DIP2C: variants seen among roughly 807,000 people sequenced by gnomAD.
DIP2C encodes DIP2 acetate--CoA ligase C (putative).
A neutral mutation model predicts 192.4 loss-of-function variants in DIP2C; 33 were observed. That is an observed-to-expected ratio of 0.17 (90% CI 0.13 to 0.23). The LOEUF is 0.23. DIP2C is among the 10% of genes least tolerant of loss of function. The probability of loss-of-function intolerance (pLI) is 1.00; values close to 1 mark genes in which losing one functional copy is unlikely to be tolerated. For synonymous variants in DIP2C, 979 were observed against 864.1 expected (o/e 1.13, Z -2.33); for missense variants, 1,537 against 2,110.1 (o/e 0.73, Z 5.32).
At chr10:387,615 T>C (rs1477413257) in intron 14 of DIP2C, 130 bp downstream of exon 14, 5 of 683,120 alleles carry the variant, frequency 7.3e-6, no homozygotes, top group Non-Finnish European at 1.3e-5. Context: ...GACTCCTGTG[T>C]GGACAGACAG....
chr10:523,223 G>GA (rs1025842677), intron 1 of DIP2C, among the ~76,000 whole-genome samples: 1 of 146,758 alleles, frequency 6.8e-6, no homozygotes, highest in African/African-American at 2.6e-5. Flanking sequence ...AAGGACCCTG[G>GA]AGTAAGGATG....
intron 4 of DIP2C, among the ~76,000 whole-genome samples, chr10:430,766 T>G (rs1771606632): frequency 6.6e-6 from 1 of 152,252 alleles, no homozygotes; most frequent in South Asian, 2.1e-4. Context: ...CACTAGATTT[T>G]TACCTTATCT....
At chr10:524,409 T>C (rs192627097) in intron 1 of DIP2C, among the ~76,000 whole-genome samples, 2 of 152,354 alleles carry the variant, frequency 1.3e-5, no homozygotes, top group East Asian at 3.9e-4. Flanking sequence ...CTCAGACCTA[T>C]ATGTGACTGG....
At chr10:533,447 G>C (rs999054425) in intron 1 of DIP2C, among the ~76,000 whole-genome samples, 1 of 152,046 alleles carries the variant, frequency 6.6e-6, no homozygotes, top group Admixed American at 6.6e-5. Flanking sequence ...TTCTCTCAAG[G>C]ACAAAGGTGC....
At chr10:567,250 G>A (rs766322911) in intron 1 of DIP2C, among the ~76,000 whole-genome samples, 4 of 152,102 alleles carry the variant, frequency 2.6e-5, no homozygotes, top group Admixed American at 6.5e-5. Context: ...GTGCAGTGGT[G>A]CAATCTCAGC....
At chr10:552,081 A>G (rs1157851414) in intron 1 of DIP2C, among the ~76,000 whole-genome samples, 5 of 152,260 alleles carry the variant, frequency 3.3e-5, no homozygotes, top group Non-Finnish European at 5.9e-5. Context: ...AGCCAGACTC[A>G]GTCTGCAATC....
chr10:306,678 T>C (rs1176293892), intron 32 of DIP2C, among the ~76,000 whole-genome samples: 1 of 152,254 alleles, frequency 6.6e-6, no homozygotes, highest in Admixed American at 6.5e-5. Flanking sequence ...TCCCGACTGC[T>C]GGCCTTGGAC....
rs201092857 is a variant in DIP2C at position 326,010 on chromosome 10, G to A, written c.3924+996C>T. On this transcript the variant is annotated intron_variant, in intron 31 of 36. Coordinates refer to ENST00000280886, the MANE Select transcript of DIP2C (RefSeq NM_014974.3). Reference sequence around the variant, plus strand: ...AGCCTGGGCGACATGGTGAAACCCCGTCTCCACAAAAAATTTAAAAATTAG... The same window carrying A: ...AGCCTGGGCGACATGGTGAAACCCCATCTCCACAAAAAATTTAAAAATTAG... Among the ~76,000 whole-genome samples the A allele has an allele frequency of 1.9e-4, 29 of 152,004 alleles. No individual in the cohort carries two copies. In the East Asian group the frequency reaches 2.9e-3, roughly 15 times the overall value.
intron 1 of DIP2C, among the ~76,000 whole-genome samples, chr10:524,967 CAA>C (rs10652748): frequency 0.012 from 1,332 of 111,162 alleles, 79 homozygotes; most frequent in African/African-American, 0.055. Flanking sequence ...ATCACAATTT[CAA>C]AAAAAAAAAA....
chr10:647,412 G>A (rs1855516526), intron 1 of DIP2C, among the ~76,000 whole-genome samples: 1 of 151,722 alleles, frequency 6.6e-6, no homozygotes, highest in Non-Finnish European at 1.5e-5. Context: ...TGGTGGGAGA[G>A]AACAGAGCGA....
chr10:275,626 C>A lies in DIP2C; in HGVS notation c.*1699G>T, dbSNP rs1954475067. 2.0e-5 allele frequency: 3 copies of A among 152,120 alleles called. No individual in the cohort carries two copies. Among genetic ancestry groups the A allele is most frequent in the Admixed American group, 2.0e-4 (3 of 15,280 alleles). The allele number at this position is 152,120 out of a possible 1,614,324, so 9.4% of individuals were successfully genotyped here. A position where few individuals can be genotyped will look rare whatever the true frequency, so the allele number is the denominator to read the frequency against. Reference sequence around the variant, plus strand: ...GAAAGATCATCTACATTTTGCCCAGCATCAATCTTAGTCATGCATATCTAG... The same window carrying A: ...GAAAGATCATCTACATTTTGCCCAGAATCAATCTTAGTCATGCATATCTAG... On this transcript the variant is annotated 3_prime_UTR_variant, in exon 37 of 37. Transcript: ENST00000280886.
intron 5 of DIP2C, among the ~76,000 whole-genome samples, chr10:421,577 G>A (rs958108065): frequency 2.0e-5 from 3 of 152,142 alleles, no homozygotes; most frequent in African/African-American, 7.2e-5. Context: ...GTGATTTCAA[G>A]TACAGGTTAT....
At chr10:301,643 G>C (rs1344090272) in intron 32 of DIP2C, among the ~76,000 whole-genome samples, 1 of 152,222 alleles carries the variant, frequency 6.6e-6, no homozygotes, top group Non-Finnish European at 1.5e-5. Context: ...TAAAAAAGGA[G>C]AGACAAAAAT....
chr10:325,888 A>C (rs1039246199), intron 31 of DIP2C, among the ~76,000 whole-genome samples: 9 of 152,116 alleles, frequency 5.9e-5, no homozygotes, highest in African/African-American at 1.9e-4. Context: ...CGTTTATGAA[A>C]ATTAAAAAAA....
chr10:378,576 CAT>C (rs1261504407), intron 17 of DIP2C, among the ~76,000 whole-genome samples: 4 of 114,340 alleles, frequency 3.5e-5, no homozygotes, highest in Admixed American at 9.0e-5. Flanking sequence ...AACATGCAGA[CAT>C]GTGAACGCAG....
At chr10:395,950 C>T (rs1350266740) in intron 10 of DIP2C, among the ~76,000 whole-genome samples, 2 of 152,160 alleles carry the variant, frequency 1.3e-5, no homozygotes, top group Non-Finnish European at 2.9e-5. Context: ...CACAGAGAGT[C>T]CCCCCGAGAT....
intron 19 of DIP2C, among the ~76,000 whole-genome samples, chr10:365,271 G>A (rs1290525173): frequency 6.6e-6 from 1 of 152,230 alleles, no homozygotes; most frequent in East Asian, 1.9e-4. Flanking sequence ...AGTGGCTCAT[G>A]CCTGTAATCC....
intron 3 of DIP2C, among the ~76,000 whole-genome samples, chr10:466,601 C>T (rs954735931): frequency 2.9e-5 from 4 of 135,938 alleles, no homozygotes; most frequent in African/African-American, 5.2e-5. Flanking sequence ...AGTGAACAAG[C>T]AACCTATAAC....
chr10:349,368 A>C lies in DIP2C; in HGVS notation c.3072T>G (p.Leu1024=), dbSNP rs1958680672. Residue 1024 remains leucine, a synonymous_variant, in exon 25 of 37, where the codon CTT becomes CTG. Transcript: ENST00000280886. ...IAVMLMERGH[L]QDGDHVALVY... ...CCAAGGCCACGTGGTCGCCGTCCTGAAGGTGGCCCCTCTCCATCAGCATCA... is the reference window on the plus strand; with the variant it reads ...CCAAGGCCACGTGGTCGCCGTCCTGCAGGTGGCCCCTCTCCATCAGCATCA... 1 of 1,610,642 alleles carries C rather than the reference A, an allele frequency of 6.2e-7. No individual in the cohort carries two copies. Among genetic ancestry groups the C allele is most frequent in the Non-Finnish European group, 8.5e-7 (1 of 1,179,648 alleles).
Sources: gnomAD v4.1 joint callset for allele counts (sites outside exome capture counted in the v4.1 genomes callset) on GRCh38, gnomAD v4.1.1 for gene constraint, MANE v1.5 for transcripts, NCBI Gene and HGNC (gene_info 2026-07-23, HGNC 2026-07-21) for gene names.